Variants in SMYD3 observed in about 807,000 individuals in gnomAD.
SMYD3 encodes histone-lysine N-methyltransferase SMYD3.
In SMYD3, 36 loss-of-function variants were observed where a neutral mutation model predicts 57.7. That is an observed-to-expected ratio of 0.62 (90% CI 0.48 to 0.82). The LOEUF is 0.82. Ranked by LOEUF, SMYD3 falls within the 40% of genes least tolerant of loss-of-function variation. SMYD3 has a pLI of 0.00. For synonymous variants in SMYD3, 211 were observed against 195.0 expected (o/e 1.08, Z -0.68); for missense variants, 515 against 538.8 (o/e 0.96, Z 0.44).
At chr1:246,294,951 A>G (rs1415179435) in intron 5 of SMYD3, among the ~76,000 whole-genome samples, 2 of 152,168 alleles carry the variant, frequency 1.3e-5, no homozygotes, top group Admixed American at 6.5e-5. Context: ...AGAATAATAT[A>G]TCTATTTTAC....
intron 5 of SMYD3, among the ~76,000 whole-genome samples, chr1:246,307,833 T>C (rs996971425): frequency 1.3e-5 from 2 of 152,150 alleles, no homozygotes; most frequent in African/African-American, 4.8e-5. Flanking sequence ...TGAAATCAAC[T>C]GCTCCTAACC....
At chr1:246,260,713 G>A (rs1039624851) in intron 5 of SMYD3, among the ~76,000 whole-genome samples, 2 of 151,982 alleles carry the variant, frequency 1.3e-5, no homozygotes, top group African/African-American at 4.8e-5. Context: ...TACCAGGCGT[G>A]AGCCACTGCG....
intron 5 of SMYD3, among the ~76,000 whole-genome samples, chr1:245,948,647 CA>C (rs35298172): frequency 1 from 151,555 of 152,244 alleles, 75,435 homozygotes; most frequent in Middle Eastern, 1. Context: ...CCCTGGGCCC[CA>C]AATAGCCCTT....
At chr1:246,247,523 C>A (rs1221174182) in intron 5 of SMYD3, among the ~76,000 whole-genome samples, 1 of 142,160 alleles carries the variant, frequency 7.0e-6, no homozygotes, top group Non-Finnish European at 1.5e-5. Flanking sequence ...TATATACACA[C>A]GAGTTAAAAA....
intron 5 of SMYD3, among the ~76,000 whole-genome samples, chr1:246,296,438 GA>G (rs2064796596): frequency 6.6e-6 from 1 of 152,086 alleles, no homozygotes. Flanking sequence ...GGCTTCACAA[GA>G]AAATACCTAC....
chr1:245,957,436 T>TA (rs2057878869), intron 5 of SMYD3, among the ~76,000 whole-genome samples: 1 of 152,192 alleles, frequency 6.6e-6, no homozygotes, highest in African/African-American at 2.4e-5. Context: ...AAAAGATCCT[T>TA]AGAGGAAATT....
chr1:245,850,755 A>G (rs2050927687), intron 10 of SMYD3, among the ~76,000 whole-genome samples: 1 of 152,178 alleles, frequency 6.6e-6, no homozygotes, highest in Non-Finnish European at 1.5e-5. Context: ...TGCATAAACA[A>G]AGCCATGTCA....
chr1:245,784,844 T>A (rs1315203444), intron 10 of SMYD3, among the ~76,000 whole-genome samples: 2 of 98,666 alleles, frequency 2.0e-5, no homozygotes, highest in Non-Finnish European at 3.9e-5. Flanking sequence ...TTAGACTGAA[T>A]TTTTTTTTTT....
intron 10 of SMYD3, among the ~76,000 whole-genome samples, chr1:245,804,246 G>A (rs1406716654): frequency 1.3e-5 from 2 of 152,126 alleles, no homozygotes; most frequent in Non-Finnish European, 1.5e-5. Flanking sequence ...ACATACTCAT[G>A]CATACACACA....
intron 5 of SMYD3, among the ~76,000 whole-genome samples, chr1:246,185,250 T>C (rs1040453098): frequency 2.0e-5 from 3 of 152,108 alleles, no homozygotes; most frequent in East Asian, 1.9e-4. Context: ...TAATTCCTTT[T>C]TTTTGGAGGC....
chr1:246,144,833 G>A (rs546805338), intron 5 of SMYD3, among the ~76,000 whole-genome samples: 1 of 152,308 alleles, frequency 6.6e-6, no homozygotes, highest in East Asian at 1.9e-4. Flanking sequence ...CCACTTCACA[G>A]AAGACTAGGG....
chr1:246,157,654 C>A (rs556082755), intron 5 of SMYD3, among the ~76,000 whole-genome samples: 7 of 152,020 alleles, frequency 4.6e-5, no homozygotes, highest in African/African-American at 1.4e-4. Context: ...GTCTTTTTTC[C>A]CCCCCATAGG....
rs192162749 is a variant in SMYD3 at position 245,979,442 on chromosome 1, G to A, written c.532-49505C>T. On this transcript the variant is annotated intron_variant, in intron 5 of 11. Transcript: ENST00000490107. ...ATCACACTAGAGAGTAAGTAGGCCC[G>A]AAATTCAACATGACTGGCATCCCAG... Among the ~76,000 whole-genome samples the A allele has an allele frequency of 3.0e-3, 457 of 152,248 alleles. 1 individual carries two copies. The highest frequency in any genetic ancestry group is 9.9e-3 in the African/African-American group (412 of 41,534).
rs150000590 is a variant in SMYD3 at position 246,428,091 on chromosome 1, T to C, written c.165-72997A>G. ...ATGTAGGAATTGACAGCCAGTACCATTATTAGTGCTTATTTGTTAAAGTAA... is the reference window on the plus strand; with the variant it reads ...ATGTAGGAATTGACAGCCAGTACCACTATTAGTGCTTATTTGTTAAAGTAA... On this transcript the variant is annotated intron_variant, in intron 1 of 11. Transcript: ENST00000490107. Among the ~76,000 whole-genome samples, 100 of 152,248 alleles carry C rather than the reference T, an allele frequency of 6.6e-4. 3 individuals are homozygous for C. In the East Asian group the frequency reaches 0.018, roughly 28 times the overall value.
At chr1:245,971,433 C>T (rs555774712) in intron 5 of SMYD3, among the ~76,000 whole-genome samples, 1 of 103,908 alleles carries the variant, frequency 9.6e-6, no homozygotes, top group Non-Finnish European at 2.0e-5. Flanking sequence ...TATCCCAGAA[C>T]TTAAAGTATA....
intron 10 of SMYD3, among the ~76,000 whole-genome samples, chr1:245,798,112 C>T (rs1345659869): frequency 6.6e-6 from 1 of 150,534 alleles, no homozygotes; most frequent in Non-Finnish European, 1.5e-5. Context: ...AAATATGCAA[C>T]TCTTGGCTAT....
At chr1:245,953,391 A>C in intron 5 of SMYD3, 1 of 959,210 alleles carries the variant, frequency 1.0e-6, no homozygotes, top group Non-Finnish European at 1.3e-6. Context: ...AGCAAACATA[A>C]AGTAAACTGG....
chr1:245,786,213 C>T lies in SMYD3; in HGVS notation c.1077-22064G>A, dbSNP rs35697135. Among the ~76,000 whole-genome samples, 124 of 104,044 alleles carry T rather than the reference C, an allele frequency of 1.2e-3. 2 individuals carry two copies. Among genetic ancestry groups the T allele is most frequent in the Admixed American group, 2.4e-3 (22 of 9,282 alleles). 68.3% of individuals were successfully genotyped at this position (104,044 alleles called of 152,430 possible). ...GCACTGAGTTGAGTTGGGGTGTGGA[C>T]GGGGGGGGGATGGTGGCAACAGAAT... On this transcript the variant is annotated intron_variant, in intron 10 of 11. Coordinates refer to ENST00000490107, the MANE Select transcript of SMYD3 (RefSeq NM_001167740.2).
chr1:246,054,846 C>T (rs959787829), intron 5 of SMYD3, among the ~76,000 whole-genome samples: 17 of 140,418 alleles, frequency 1.2e-4, no homozygotes, highest in African/African-American at 4.6e-4. Context: ...TGATAAAATA[C>T]CACCTTAACA....
Sources: gnomAD v4.1 joint callset for allele counts (sites outside exome capture counted in the v4.1 genomes callset) on GRCh38, gnomAD v4.1.1 for gene constraint, MANE v1.5 for transcripts, NCBI Gene and HGNC (gene_info 2026-07-23, HGNC 2026-07-21) for gene names.